Variants in GANC observed in about 807,000 individuals in gnomAD.
The protein encoded by GANC is glucosidase alpha, neutral C, also known as neutral alpha-glucosidase C.
Under a neutral mutation model 124.2 loss-of-function variants are expected in GANC, and 117 were observed. The observed-to-expected ratio is 0.94, with a 90% CI of 0.81 to 1.10. GANC has a LOEUF of 1.10. GANC is among the 50% of genes least tolerant of loss of function. GANC has a pLI of 0.00. For synonymous variants in GANC, 377 were observed against 376.8 expected, an observed-to-expected ratio of 1.00 and a Z score of -0.01; for missense variants, 1,140 against 1,095.0, an observed-to-expected ratio of 1.04 and a Z score of -0.58.
intron 15 of GANC, among the ~76,000 whole-genome samples, 161 bp downstream of exon 15, chr15:42,330,833 G>T (rs1273945368): frequency 7.6e-6 from 1 of 131,802 alleles, no homozygotes; most frequent in Admixed American, 8.9e-5. Context: ...TGTCACCCAG[G>T]CTGGAGTGCA....
At chr15:42,280,893 A>G (rs1397182242) in intron 3 of GANC, 1 of 693,726 alleles carries the variant, frequency 1.4e-6, no homozygotes. Context: ...GGATCCTGAA[A>G]AAGTGAGGAA....
Position 42,276,359 on chromosome 15 carries a change from A to C in GANC, c.41A>C (p.Glu14Ala), listed in dbSNP as rs777713344. Residue 14 changes from glutamate to alanine, a missense_variant, in exon 2 of 24, where the codon GAA becomes GCA. Transcript: ENST00000318010. ...AVKEEISLED[E>A]AVDKNIFRDC... ...GTCTTTTTATTTAGTCTTGAAGATG[A>C]AGCTGTAGATAAAAACATTTTCAGA... 6.9e-7 allele frequency: 1 copy of C among 1,459,412 alleles called. No homozygotes were observed. Among genetic ancestry groups the C allele is most frequent in the South Asian group, 1.1e-5 (1 of 87,584 alleles). 90.4% of individuals were successfully genotyped at this position (1,459,412 alleles called of 1,614,324 possible). A position where few individuals can be genotyped will look rare whatever the true frequency, so the allele number is the denominator to read the frequency against.
chr15:42,311,814 G>T (rs960816357), intron 10 of GANC, among the ~76,000 whole-genome samples: 3 of 151,186 alleles, frequency 2.0e-5, no homozygotes, highest in Non-Finnish European at 4.4e-5. Context: ...TGAGATTTGG[G>T]TGGGAACACA....
chr15:42,273,538 C>T lies in GANC; in HGVS notation c.-944C>T. 1.4e-6 allele frequency: 2 copies of T among 1,415,934 alleles called. No homozygotes were observed. Among genetic ancestry groups the T allele is most frequent in the South Asian group, 1.4e-5 (1 of 72,964 alleles). The allele number at this position is 1,415,934 out of a possible 1,614,324, so 87.7% of individuals were successfully genotyped here. A position where few individuals can be genotyped will look rare whatever the true frequency, so the allele number is the denominator to read the frequency against. ...CTTGTTTGCTGTGCGGCGTAGCGGC[C>T]CCTCTCTCAGACAGTCGTCTGTGCG... On this transcript the variant is annotated 5_prime_UTR_variant, in exon 1 of 24. Transcript: ENST00000318010.
chr15:42,318,865 A>G (rs1286985545), intron 10 of GANC, among the ~76,000 whole-genome samples: 2 of 152,174 alleles, frequency 1.3e-5, no homozygotes, highest in Admixed American at 6.5e-5. Flanking sequence ...CTTTACAGGG[A>G]TTACAGGTGT....
intron 6 of GANC, among the ~76,000 whole-genome samples, chr15:42,303,204 C>T (rs2051963054): frequency 6.6e-6 from 1 of 152,218 alleles, no homozygotes; most frequent in Non-Finnish European, 1.5e-5. Context: ...CAATATTCAA[C>T]ATTCTTAAAG....
chr15:42,339,523 T>G, intron 16 of GANC, 146 bp from the exon 17 acceptor site: 1 of 853,040 alleles, frequency 1.2e-6, no homozygotes, highest in East Asian at 2.5e-5. Context: ...AGTAAGGGGG[T>G]CACCTGTTTG....
rs2052039221 is a variant in GANC, at chr15:42,310,397, T to C, written c.837T>C (p.Thr279=). ...PYLLAHKLGR[T]IGIFWLNASE... ...TCCTGGCCCACAAACTGGGCAGAACTATAGGTATTTTCTGGCTGAATGCCT... is the reference window on the plus strand; with the variant it reads ...TCCTGGCCCACAAACTGGGCAGAACCATAGGTATTTTCTGGCTGAATGCCT... The change falls in exon 9 of 24, where the codon ACT becomes ACC. Residue 279 remains threonine, a synonymous_variant. Coordinates refer to ENST00000318010, the MANE Select transcript of GANC (RefSeq NM_198141.3). 1.9e-6 allele frequency: 3 copies of C among 1,613,748 alleles called. No individual in the cohort carries two copies. In the East Asian group the frequency reaches 6.7e-5, roughly 36 times the overall value.
Position 42,353,355 on chromosome 15 carries a change from C to T in GANC, c.*1216C>T. The T allele has an allele frequency of 1.0e-6, 1 of 986,062 alleles. No homozygotes were observed. Among genetic ancestry groups the T allele is most frequent in the Non-Finnish European group, 1.2e-6 (1 of 830,054 alleles). The allele number at this position is 986,062 out of a possible 1,614,324, so 61.1% of individuals were successfully genotyped here. On this transcript the variant is annotated 3_prime_UTR_variant, in exon 24 of 24. Transcript: ENST00000318010. ...CTCCTGCCCTTACCATCCTTCCAGG[C>T]CCAACTTAAATCCCACTTTCCCATG...
chr15:42,314,114 A>G (rs1345547541), intron 10 of GANC: 1 of 744,256 alleles, frequency 1.3e-6, no homozygotes, highest in Admixed American at 1.8e-5. Context: ...TCTGAGGAAG[A>G]TACTGAGAAA....
chr15:42,302,041 C>T (rs1440329576), intron 6 of GANC, among the ~76,000 whole-genome samples: 1 of 152,216 alleles, frequency 6.6e-6, no homozygotes, highest in Non-Finnish European at 1.5e-5. Flanking sequence ...TCCCTGACCC[C>T]CATGCCTCCT....
intron 3 of GANC, chr15:42,283,627 C>T (rs1176721802): frequency 1.4e-6 from 1 of 702,294 alleles, no homozygotes; most frequent in South Asian, 1.5e-5. Flanking sequence ...TGCAAGGTTT[C>T]ACCAGAGACA....
At chr15:42,321,023 G>C (rs1405915551) in intron 10 of GANC, among the ~76,000 whole-genome samples, 3 of 151,980 alleles carry the variant, frequency 2.0e-5, no homozygotes, top group Non-Finnish European at 4.4e-5. Flanking sequence ...TCAGATTTTA[G>C]TGTGACTTTA....
chr15:42,342,137 C>G (rs2052332711), intron 18 of GANC, among the ~76,000 whole-genome samples: 1 of 152,144 alleles, frequency 6.6e-6, no homozygotes, highest in South Asian at 2.1e-4. Flanking sequence ...GTCTTATTGG[C>G]CACTATATCC....
At chr15:42,338,601 G>A in intron 16 of GANC, 111 bp downstream of exon 16, 1 of 772,220 alleles carries the variant, frequency 1.3e-6, no homozygotes, top group East Asian at 2.6e-5. Context: ...AGACATAAAT[G>A]TGGGAAAGAA....
At chr15:42,281,110 T>C in intron 3 of GANC, 1 of 702,568 alleles carries the variant, frequency 1.4e-6, no homozygotes, top group Non-Finnish European at 2.6e-6. Flanking sequence ...TTTGAGGACC[T>C]CTTGGAACAA....
intron 11 of GANC, among the ~76,000 whole-genome samples, chr15:42,323,921 C>T (rs938930339): frequency 2.0e-5 from 3 of 152,144 alleles, no homozygotes; most frequent in Admixed American, 2.0e-4. Flanking sequence ...AAGCAGTGCA[C>T]AGGCAAGTTT....
intron 6 of GANC, among the ~76,000 whole-genome samples, chr15:42,306,059 C>A (rs2051992562): frequency 2.0e-5 from 3 of 150,032 alleles, no homozygotes; most frequent in Non-Finnish European, 4.4e-5. Context: ...CAGAGTCTCG[C>A]TGTGTCGCCC....
Position 42,278,555 on chromosome 15 carries a change from A to C in GANC, c.166A>C (p.Ser56Arg). Residue 56 changes from serine to arginine, a missense_variant, in exon 3 of 24, where the codon AGC (serine) becomes CGC (arginine). By Grantham distance (110) the Ser-to-Arg change is moderately radical. Coordinates refer to ENST00000318010, the MANE Select transcript of GANC (RefSeq NM_198141.3). ...GGATTCAGTCACAACAGATGAAGAC[A>C]GCACCAGGTTCCAAATCATCAATGA... ...LLDSVTTDED[S>R]TRFQIINEAS... 6.2e-7 allele frequency: 1 copy of C among 1,612,644 alleles called. No individual in the cohort carries two copies.
Sources: allele counts gnomAD v4.1 joint callset (sites outside exome capture counted in the v4.1 genomes callset), GRCh38; gene constraint gnomAD v4.1.1; transcripts MANE v1.5; gene names NCBI Gene and HGNC (gene_info 2026-07-23, HGNC 2026-07-21).